KLHL1: variants seen among roughly 807,000 people sequenced by gnomAD.
KLHL1 encodes kelch-like protein 1.
Under a neutral mutation model 77.7 loss-of-function variants are expected in KLHL1, and 47 were observed. That is an observed-to-expected ratio of 0.60 (90% CI 0.48 to 0.77). The LOEUF is 0.77. Ranked by LOEUF, KLHL1 falls within the 30% of genes least tolerant of loss-of-function variation. The pLI is 0.00. For missense variants in KLHL1, 925 were observed against 910.8 expected, an observed-to-expected ratio of 1.02 and a Z score of -0.20; for synonymous variants, 360 against 325.2, an observed-to-expected ratio of 1.11 and a Z score of -1.15.
chr13:69,939,893 G>A, intron 4 of KLHL1, 147 bp downstream of exon 4: 1 of 490,914 alleles, frequency 2.0e-6, no homozygotes, highest in Non-Finnish European at 3.5e-6. Flanking sequence ...ATACATTATG[G>A]TACGCTATAG....
intron 5 of KLHL1, among the ~76,000 whole-genome samples, chr13:69,858,311 A>C (rs1880002897): frequency 6.6e-6 from 1 of 152,124 alleles, no homozygotes; most frequent in Non-Finnish European, 1.5e-5. Context: ...GAGGAGAGAT[A>C]GACCTAATAA....
intron 1 of KLHL1, among the ~76,000 whole-genome samples, chr13:70,008,299 A>AT (rs1885452574): frequency 6.6e-6 from 1 of 152,046 alleles, no homozygotes; most frequent in African/African-American, 2.4e-5. Flanking sequence ...AACTTAGGAA[A>AT]AACTTCAAGT....
intron 7 of KLHL1, among the ~76,000 whole-genome samples, chr13:69,785,318 G>A (rs1287945810): frequency 6.6e-6 from 1 of 152,150 alleles, no homozygotes; most frequent in Non-Finnish European, 1.5e-5. Context: ...TCACACCACA[G>A]TGCAATCAAA....
At chr13:70,031,146 A>G (rs1404879944) in intron 1 of KLHL1, among the ~76,000 whole-genome samples, 1 of 152,154 alleles carries the variant, frequency 6.6e-6, no homozygotes, top group Admixed American at 6.5e-5. Flanking sequence ...GCTTTATCCA[A>G]TAAATTGCAC....
intron 1 of KLHL1, among the ~76,000 whole-genome samples, chr13:70,097,931 A>G (rs1887832297): frequency 6.6e-6 from 1 of 151,636 alleles, no homozygotes; most frequent in Admixed American, 6.6e-5. Flanking sequence ...CATTGTGAAA[A>G]ATATTGTCAG....
chr13:70,062,734 T>C (rs547512352), intron 1 of KLHL1, among the ~76,000 whole-genome samples: 1 of 152,296 alleles, frequency 6.6e-6, no homozygotes, highest in East Asian at 1.9e-4. Flanking sequence ...CTTCTTAATG[T>C]ATTAAACTTG....
chr13:69,709,696 T>A (rs910961047), intron 9 of KLHL1, among the ~76,000 whole-genome samples: 1 of 152,036 alleles, frequency 6.6e-6, no homozygotes, highest in African/African-American at 2.4e-5. Flanking sequence ...AATTCAATAA[T>A]GTTTTGGGTT....
chr13:69,883,710 A>G (rs570326245), intron 4 of KLHL1, among the ~76,000 whole-genome samples: 1 of 152,254 alleles, frequency 6.6e-6, no homozygotes, highest in Non-Finnish European at 1.5e-5. Flanking sequence ...CTCTGTAGAG[A>G]AAAACAAAAT....
At chr13:69,922,471 G>A (rs955198079) in intron 4 of KLHL1, among the ~76,000 whole-genome samples, 3 of 152,050 alleles carry the variant, frequency 2.0e-5, no homozygotes, top group African/African-American at 7.2e-5. Flanking sequence ...AAGACTGTTT[G>A]CTAATAGCTT....
At chr13:69,803,785 C>T (rs1877494586) in intron 6 of KLHL1, among the ~76,000 whole-genome samples, 1 of 152,160 alleles carries the variant, frequency 6.6e-6, no homozygotes, top group African/African-American at 2.4e-5. Flanking sequence ...TGCAAGTGGT[C>T]TCTAGAAGCT....
Position 69,893,169 on chromosome 13 carries a change from T to C in KLHL1, c.1015-10674A>G, listed in dbSNP as rs1249293718. 2.0e-5 allele frequency among the ~76,000 whole-genome samples: 3 copies of C among 149,978 alleles called. No homozygotes were observed. In the East Asian group the frequency reaches 5.8e-4, roughly 29 times the overall value. ...AACCCTAAAATGGAAACTAATGAAA[T>C]AGTATACTCTATAAAAAAATTGGAA... On this transcript the variant is annotated intron_variant, in intron 4 of 10. Transcript: ENST00000377844.
intron 1 of KLHL1, among the ~76,000 whole-genome samples, chr13:70,056,997 CA>C (rs34192638): frequency 0.011 from 1,604 of 150,594 alleles, 23 homozygotes; most frequent in African/African-American, 0.037. Context: ...ACAAAAATAT[CA>C]AAAAAAAAAT....
At chr13:69,882,537 T>G (rs1037058914) in intron 4 of KLHL1, 42 bp from the exon 5 acceptor site, 1 of 1,367,950 alleles carries the variant, frequency 7.3e-7, no homozygotes, top group Non-Finnish European at 1.0e-6. Context: ...TGTTTCACTT[T>G]TATTTAGCTA....
intron 1 of KLHL1, among the ~76,000 whole-genome samples, chr13:70,020,427 C>G (rs984748635): frequency 2.6e-5 from 4 of 152,060 alleles, no homozygotes; most frequent in Admixed American, 6.6e-5. Flanking sequence ...TTTCTTCATG[C>G]CTTACAGAAT....
chr13:69,877,363 C>G (rs1880807423), intron 5 of KLHL1, among the ~76,000 whole-genome samples: 1 of 151,922 alleles, frequency 6.6e-6, no homozygotes, highest in Admixed American at 6.6e-5. Context: ...AATGTTAAAA[C>G]ACGTTATTTA....
intron 4 of KLHL1, among the ~76,000 whole-genome samples, chr13:69,917,503 A>C (rs1403038985): frequency 6.6e-6 from 1 of 152,098 alleles, no homozygotes; most frequent in East Asian, 1.9e-4. Context: ...TCTAAATACC[A>C]TTACTCAGTA....
At chr13:69,846,227 G>T (rs1047651720) in intron 5 of KLHL1, among the ~76,000 whole-genome samples, 1 of 151,452 alleles carries the variant, frequency 6.6e-6, no homozygotes, top group Admixed American at 6.6e-5. Context: ...ATGTTCTTTC[G>T]TTAACAACTC....
intron 7 of KLHL1, among the ~76,000 whole-genome samples, chr13:69,752,991 G>A (rs919161832): frequency 4.0e-4 from 61 of 152,114 alleles, no homozygotes; most frequent in Admixed American, 1.2e-3. Flanking sequence ...CTTTTAAGAC[G>A]TGGGTCTTCC....
intron 3 of KLHL1, among the ~76,000 whole-genome samples, chr13:69,951,312 A>AT (rs1227044044): frequency 6.6e-6 from 1 of 151,314 alleles, no homozygotes; most frequent in African/African-American, 2.4e-5. Context: ...CAAGTGGCTT[A>AT]TTTTTTCTTT....
Sources: gnomAD v4.1 joint callset for allele counts (sites outside exome capture counted in the v4.1 genomes callset) on GRCh38, gnomAD v4.1.1 for gene constraint, MANE v1.5 for transcripts, NCBI Gene and HGNC (gene_info 2026-07-23, HGNC 2026-07-21) for gene names.